ADAMTS9: variants seen among roughly 807,000 people sequenced by gnomAD.
ADAMTS9 encodes the protein A disintegrin and metalloproteinase with thrombospondin motifs 9.
ADAMTS9 carries 107 observed loss-of-function variants against 257.1 expected under a neutral mutation model. The ratio of observed to expected loss-of-function variants is 0.42; its 90% CI spans 0.36 to 0.49. The LOEUF is 0.49. Among genes scored for constraint, ADAMTS9 ranks in the 20% least tolerant of loss-of-function variants. ADAMTS9 has a pLI of 0.03. For missense variants in ADAMTS9, 2,353 were observed against 2,469.1 expected (o/e 0.95, Z 1.00); for synonymous variants, 982 against 880.9 (o/e 1.11, Z -2.03).
At chr3:64,579,202 T>G (rs1443552837) in intron 28 of ADAMTS9, among the ~76,000 whole-genome samples, 5 of 152,280 alleles carry the variant, frequency 3.3e-5, no homozygotes, top group African/African-American at 1.2e-4. Context: ...TCTAGCCACA[T>G]TAGTCTCTTT....
At position 64,546,774 on chromosome 3, in the gene ADAMTS9, A is replaced by G. The variant is rs767749942; in HGVS notation, c.5048T>C (p.Val1683Ala). ...TCTACTTACGCTCCCCCAGTTGCCA[A>G]CTCTCCAGGTGGCCGAGACAGGGCA... The part of the protein sequence containing the change: ...RDCPVSATWR[V>A]GNWGSCSVSC... The change falls in exon 32 of 40, where the codon GTT becomes GCT. Residue 1683 changes from valine (V) to alanine (A), a missense_variant. This residue lies in a region of ADAMTS9 where 1,402 missense variants were observed against 1,441.4 expected (regional missense o/e 0.97). Transcript: ENST00000498707. The G allele has an allele frequency of 5.0e-6, 8 of 1,604,254 alleles. No individual in the cohort carries two copies. Among genetic ancestry groups the G allele is most frequent in the Non-Finnish European group, 6.0e-6 (7 of 1,175,908 alleles).
At chr3:64,558,681 A>T (rs77166745) in intron 30 of ADAMTS9, among the ~76,000 whole-genome samples, 1,676 of 152,288 alleles carry the variant, frequency 0.011, 61 homozygotes, top group East Asian at 0.078. Context: ...AGCATGCAAT[A>T]CACCTTGCCA....
At chr3:64,568,314 C>G in intron 29 of ADAMTS9, 54 bp downstream of exon 29, 1 of 1,558,028 alleles carries the variant, frequency 6.4e-7, no homozygotes, top group Non-Finnish European at 8.6e-7. Context: ...ACACTGGGGT[C>G]AGCCACGTGG....
intron 39 of ADAMTS9, among the ~76,000 whole-genome samples, chr3:64,519,475 A>G (rs2082822706): frequency 6.6e-6 from 1 of 152,140 alleles, no homozygotes. Context: ...TGATACCAAT[A>G]CCTGGCAAAA....
chr3:64,636,490 G>T (rs535578943), intron 12 of ADAMTS9, among the ~76,000 whole-genome samples: 7 of 152,202 alleles, frequency 4.6e-5, no homozygotes, highest in African/African-American at 1.7e-4. Flanking sequence ...TGTAGTGAGG[G>T]TTAACTAGAT....
chr3:64,600,728 C>T (rs1394007685), intron 26 of ADAMTS9, among the ~76,000 whole-genome samples: 2 of 152,140 alleles, frequency 1.3e-5, no homozygotes, highest in Admixed American at 1.3e-4. Context: ...GATGGGATAG[C>T]GAGGGTCTTG....
intron 3 of ADAMTS9, among the ~76,000 whole-genome samples, chr3:64,673,077 T>C (rs1701531957): frequency 6.6e-6 from 1 of 152,204 alleles, no homozygotes; most frequent in African/African-American, 2.4e-5. Context: ...CCACGTAGCC[T>C]AGGTGTGTGG....
At chr3:64,667,077 A>G (rs1204485278) in intron 3 of ADAMTS9, among the ~76,000 whole-genome samples, 1 of 152,192 alleles carries the variant, frequency 6.6e-6, no homozygotes, top group African/African-American at 2.4e-5. Context: ...GTAGTGCTAC[A>G]TGCACAGTGC....
At chr3:64,520,541 T>C (rs2082836112) in intron 39 of ADAMTS9, among the ~76,000 whole-genome samples, 1 of 152,178 alleles carries the variant, frequency 6.6e-6, no homozygotes, top group South Asian at 2.1e-4. Flanking sequence ...CTTCAAACTC[T>C]ACTCCAAGGC....
chr3:64,648,727 T>C (rs1359587060), intron 10 of ADAMTS9, among the ~76,000 whole-genome samples: 1 of 152,216 alleles, frequency 6.6e-6, no homozygotes, highest in African/African-American at 2.4e-5. Flanking sequence ...AAATTGTTTA[T>C]CTTGTTATCT....
intron 37 of ADAMTS9, among the ~76,000 whole-genome samples, chr3:64,533,858 T>C (rs112214864): frequency 0.033 from 4,976 of 152,244 alleles, 284 homozygotes; most frequent in African/African-American, 0.11. Flanking sequence ...GCTTTCAGGC[T>C]CCGGTAAGGG....
chr3:64,549,745 G>T (rs1239179732), intron 31 of ADAMTS9, among the ~76,000 whole-genome samples: 2 of 152,174 alleles, frequency 1.3e-5, no homozygotes, highest in African/African-American at 4.8e-5. Context: ...ACCCTGGCCA[G>T]TAGGGTCCCC....
chr3:64,603,539 G>A (rs1482537487), intron 25 of ADAMTS9, among the ~76,000 whole-genome samples: 1 of 152,062 alleles, frequency 6.6e-6, no homozygotes, highest in Non-Finnish European at 1.5e-5. Flanking sequence ...AGGGACCACA[G>A]GATGCAGGAG....
At chr3:64,646,716 A>T (rs140441670) in intron 11 of ADAMTS9, among the ~76,000 whole-genome samples, 42 of 152,300 alleles carry the variant, frequency 2.8e-4, no homozygotes, top group African/African-American at 9.9e-4. Flanking sequence ...TCATATCCTC[A>T]GGATCCTTTA....
intron 3 of ADAMTS9, among the ~76,000 whole-genome samples, chr3:64,676,663 T>C (rs1208201342): frequency 6.6e-6 from 1 of 152,214 alleles, no homozygotes; most frequent in Non-Finnish European, 1.5e-5. Flanking sequence ...CCCCATAATG[T>C]ATTGATCTAT....
In ADAMTS9 at chr3:64,631,669, C is replaced by A; in HGVS notation, c.2294-119G>T. On this transcript the variant is annotated intron_variant, in intron 15 of 39. Transcript: ENST00000498707. The stretch of plus-strand genomic sequence containing the variant: ...AATTCTCATATAATTCTATTAGGTG[C>A]CTTCTAGTCGATGGATAATCCACCA... The A allele has an allele frequency of 2.6e-6, 3 of 1,164,814 alleles. No homozygotes were observed. The South Asian group carries it at 3.9e-5, about 15-fold the overall frequency. 72.2% of individuals were successfully genotyped at this position (1,164,814 alleles called of 1,614,324 possible). A position where few individuals can be genotyped will look rare whatever the true frequency, so the allele number is the denominator to read the frequency against.
At chr3:64,554,109 C>G (rs141934683) in intron 30 of ADAMTS9, among the ~76,000 whole-genome samples, 22 of 152,290 alleles carry the variant, frequency 1.4e-4, no homozygotes, top group African/African-American at 5.3e-4. Context: ...CCAGTATCCT[C>G]TCTTGTTTTC....
chr3:64,621,024 C>A, intron 19 of ADAMTS9, 90 bp downstream of exon 19: 1 of 1,460,492 alleles, frequency 6.8e-7, no homozygotes, highest in South Asian at 1.4e-5. Context: ...AACTAAAGAC[C>A]AGCATCCCCT....
At chr3:64,587,558 A>T (rs948544410) in intron 28 of ADAMTS9, 1 of 152,146 alleles carries the variant, frequency 6.6e-6, no homozygotes, top group Non-Finnish European at 1.5e-5. Context: ...GGAAGGCAAA[A>T]ATAGAGAACA....
Sources: allele counts gnomAD v4.1 joint callset (sites outside exome capture counted in the v4.1 genomes callset), GRCh38; gene constraint gnomAD v4.1.1; regional missense constraint gnomAD v4.1.1; transcripts MANE v1.5; gene names NCBI Gene and HGNC (gene_info 2026-07-23, HGNC 2026-07-21).